Variants in FUT9 observed in about 807,000 individuals in gnomAD.
FUT9 encodes the protein fucosyltransferase 9.
Under a neutral mutation model 29.7 loss-of-function variants are expected in FUT9, and 15 were observed. The ratio of observed to expected loss-of-function variants is 0.51; its 90% CI spans 0.34 to 0.78. The LOEUF is 0.78. Among genes scored for constraint, FUT9 ranks in the 30% least tolerant of loss-of-function variants. The pLI is 0.01. For synonymous variants in FUT9, 169 were observed against 153.7 expected (o/e 1.10, Z -0.74); for missense variants, 319 against 425.4 (o/e 0.75, Z 2.20).
intron 2 of FUT9, among the ~76,000 whole-genome samples, chr6:96,141,354 A>G (rs1772459886): frequency 6.6e-6 from 1 of 152,222 alleles, no homozygotes; most frequent in African/African-American, 2.4e-5. Flanking sequence ...CCACAATCAA[A>G]TAAGTTTCAG....
chr6:96,180,326 G>A (rs1386749817), intron 2 of FUT9, among the ~76,000 whole-genome samples: 1 of 151,940 alleles, frequency 6.6e-6, no homozygotes, highest in African/African-American at 2.4e-5. Context: ...GGAAGGTTGG[G>A]GATGTTGCCC....
chr6:96,073,763 T>TCCCTCCTTATAAATTGTTC (rs1771101605), intron 1 of FUT9, among the ~76,000 whole-genome samples: 1 of 152,154 alleles, frequency 6.6e-6, no homozygotes, highest in African/African-American at 2.4e-5. Flanking sequence ...ACAAATTGTT[T>TCCCTCCTTATAAATTGTTC]CCCTCCTTAT....
At chr6:96,093,177 C>T (rs1033128084) in intron 1 of FUT9, among the ~76,000 whole-genome samples, 4 of 152,108 alleles carry the variant, frequency 2.6e-5, no homozygotes, top group African/African-American at 9.7e-5. Context: ...CACATAAAAT[C>T]AGATATGGCA....
chr6:96,202,190 G>C (rs1350558579), intron 2 of FUT9, among the ~76,000 whole-genome samples: 1 of 151,718 alleles, frequency 6.6e-6, no homozygotes, highest in Admixed American at 6.6e-5. Context: ...ATGCCGAAGA[G>C]AAAAAAACTT....
intron 1 of FUT9, among the ~76,000 whole-genome samples, chr6:96,084,847 A>G (rs1771290021): frequency 6.6e-6 from 1 of 152,090 alleles, no homozygotes; most frequent in Non-Finnish European, 1.5e-5. Context: ...TTTGATATAC[A>G]TCCCTGTTTA....
intron 1 of FUT9, among the ~76,000 whole-genome samples, chr6:96,066,632 A>G (rs1017615545): frequency 6.6e-6 from 1 of 152,076 alleles, no homozygotes; most frequent in African/African-American, 2.4e-5. Flanking sequence ...TGTCTTCTTA[A>G]AGCAATAGGA....
intron 1 of FUT9, among the ~76,000 whole-genome samples, chr6:96,083,077 T>C (rs765624921): frequency 1.3e-5 from 2 of 152,026 alleles, no homozygotes; most frequent in African/African-American, 2.4e-5. Context: ...TATCACACAC[T>C]GAACATTTTA....
intron 1 of FUT9, among the ~76,000 whole-genome samples, chr6:96,064,550 C>T (rs1770930684): frequency 6.6e-6 from 1 of 152,038 alleles, no homozygotes; most frequent in Non-Finnish European, 1.5e-5. Flanking sequence ...AAAACCTCTA[C>T]TTGGAAGTAA....
intron 2 of FUT9, among the ~76,000 whole-genome samples, chr6:96,202,049 G>A (rs765965727): frequency 2.6e-5 from 4 of 151,790 alleles, no homozygotes; most frequent in Non-Finnish European, 5.9e-5. Flanking sequence ...ATACTTTAAT[G>A]AGTCTGAAAT....
At chr6:96,101,978 T>A (rs1771594056) in intron 1 of FUT9, among the ~76,000 whole-genome samples, 1 of 152,134 alleles carries the variant, frequency 6.6e-6, no homozygotes, top group Non-Finnish European at 1.5e-5. Flanking sequence ...GTTACTTATT[T>A]CATTTGATAT....
At chr6:96,174,407 T>A (rs1773167674) in intron 2 of FUT9, among the ~76,000 whole-genome samples, 1 of 152,104 alleles carries the variant, frequency 6.6e-6, no homozygotes, top group Non-Finnish European at 1.5e-5. Flanking sequence ...CAGAATCAAA[T>A]TAAATGATGG....
At chr6:96,113,172 A>G (rs1043295750) in intron 1 of FUT9, among the ~76,000 whole-genome samples, 22 of 152,184 alleles carry the variant, frequency 1.4e-4, no homozygotes, top group African/African-American at 4.6e-4. Context: ...TAGAGTTTCA[A>G]CTATAACCTA....
intron 1 of FUT9, among the ~76,000 whole-genome samples, chr6:96,067,032 T>C (rs1770973644): frequency 6.6e-6 from 1 of 151,956 alleles, no homozygotes; most frequent in Non-Finnish European, 1.5e-5. Context: ...ATAGCTGCCA[T>C]GTGCAGAGTA....
chr6:96,213,575 A>G lies in FUT9; in HGVS notation c.*9340A>G, dbSNP rs192716978. 466 of 166,974 alleles carry G rather than the reference A, an allele frequency of 2.8e-3. 3 individuals are homozygous for G. Among genetic ancestry groups the G allele is most frequent in the Non-Finnish European group, 5.4e-3 (364 of 68,020 alleles). 10.3% of individuals were successfully genotyped at this position (166,974 alleles called of 1,614,324 possible). ...AGTTTATAGGTTCGTGTTATTTCTG[A>G]TAAGAATTTAATTGCATTGTGCTAA... is the stretch of plus-strand genomic sequence containing the variant. On this transcript the variant is annotated 3_prime_UTR_variant, in exon 3 of 3. Transcript: ENST00000302103.
intron 1 of FUT9, among the ~76,000 whole-genome samples, chr6:96,106,058 A>C (rs1771673873): frequency 6.6e-6 from 1 of 152,094 alleles, no homozygotes; most frequent in East Asian, 1.9e-4. Flanking sequence ...TTGTAGAAGA[A>C]GTCATCCAGG....
At chr6:96,134,684 T>A (rs1250576991) in intron 2 of FUT9, among the ~76,000 whole-genome samples, 2 of 151,846 alleles carry the variant, frequency 1.3e-5, no homozygotes, top group Non-Finnish European at 2.9e-5. Context: ...ATTAACTACA[T>A]TTTACCAAAT....
intron 2 of FUT9, among the ~76,000 whole-genome samples, chr6:96,123,949 T>G (rs1215358122): frequency 1.3e-5 from 2 of 151,622 alleles, no homozygotes; most frequent in Non-Finnish European, 2.9e-5. Flanking sequence ...GAAACAGATG[T>G]GGAAAGGTAG....
At chr6:96,082,197 T>A (rs1374570153) in intron 1 of FUT9, among the ~76,000 whole-genome samples, 3 of 151,654 alleles carry the variant, frequency 2.0e-5, no homozygotes, top group Admixed American at 6.6e-5. Context: ...TGAGTTTGGA[T>A]TTTTTTTATT....
chr6:96,065,442 A>G (rs577885786), intron 1 of FUT9, among the ~76,000 whole-genome samples: 13 of 152,258 alleles, frequency 8.5e-5, no homozygotes, highest in African/African-American at 2.4e-4. Flanking sequence ...AAGATTGCCA[A>G]TGGTTACAAA....
Sources: allele counts gnomAD v4.1 joint callset (sites outside exome capture counted in the v4.1 genomes callset), GRCh38; gene constraint gnomAD v4.1.1; transcripts MANE v1.5; gene names NCBI Gene and HGNC (gene_info 2026-07-23, HGNC 2026-07-21).